Variants in DCAF6 observed in about 807,000 individuals in gnomAD.
DCAF6 encodes DDB1 and CUL4 associated factor 6.
A neutral mutation model predicts 125.1 loss-of-function variants in DCAF6; 54 were observed. That is an observed-to-expected ratio of 0.43 (90% CI 0.35 to 0.54). DCAF6 has a LOEUF of 0.54. Ranked by LOEUF, DCAF6 falls within the 20% of genes least tolerant of loss-of-function variation. DCAF6 has a pLI of 0.01. For missense variants in DCAF6, 934 were observed against 1,161.7 expected (o/e 0.80, Z 2.85); for synonymous variants, 371 against 390.4 (o/e 0.95, Z 0.58).
At chr1:168,023,707 A>C (rs1307950403) in intron 12 of DCAF6, 1 of 152,370 alleles carries the variant, frequency 6.6e-6, no homozygotes, top group Non-Finnish European at 1.5e-5. Context: ...GAGAAGGATT[A>C]GTAGAGGAAG....
In DCAF6 at chr1:167,974,877, A is replaced by C. The variant is rs371881262; in HGVS notation, c.300A>C (p.Ala100=). Residue 100 remains alanine, a synonymous_variant, in exon 4 of 22, where the codon GCA becomes GCC. Coordinates refer to ENST00000367840, the MANE Select transcript of DCAF6 (RefSeq NM_001198956.2). ...RSGHRANIFS[A]KFLPCTNDKQ... is the part of the protein sequence containing the mutation. ...GGCACCGAGCAAACATATTTAGTGCAAAGTTCTTACCTTGTACAAATGATA... is the reference window on the plus strand; with the variant it reads ...GGCACCGAGCAAACATATTTAGTGCCAAGTTCTTACCTTGTACAAATGATA... 8.2e-6 allele frequency: 13 copies of C among 1,589,616 alleles called. No individual in the cohort carries two copies. Among genetic ancestry groups the C allele is most frequent in the Non-Finnish European group, 1.1e-5 (13 of 1,168,546 alleles).
intron 7 of DCAF6, among the ~76,000 whole-genome samples, chr1:167,994,863 C>T (rs569999001): frequency 3.3e-5 from 5 of 151,966 alleles, no homozygotes; most frequent in Middle Eastern, 3.4e-3. Context: ...CCTATTAATA[C>T]GTTTTAAAGG....
At chr1:167,924,650 C>A in the DCAF6 span, 1 of 717,270 alleles carries the variant, frequency 1.4e-6, no homozygotes, top group Non-Finnish European at 2.2e-6. Context: ...CTATTTTTAA[C>A]CACTTTTACT....
the DCAF6 span, among the ~76,000 whole-genome samples, chr1:167,907,119 G>A: frequency 2.0e-5 from 3 of 152,160 alleles, no homozygotes; most frequent in Non-Finnish European, 4.4e-5. Context: ...TATATCTACA[G>A]ATACTGAAAG....
chr1:168,023,807 C>G (rs1485092372), intron 12 of DCAF6: 1 of 152,192 alleles, frequency 6.6e-6, no homozygotes, highest in Non-Finnish European at 1.5e-5. Flanking sequence ...AAATGTTTTA[C>G]TATCTCACCT....
At position 168,044,929 on chromosome 1, in the gene DCAF6, T is replaced by C. The variant is rs770172280; in HGVS notation, c.1960T>C (p.Leu654=). The part of the protein sequence containing the change: ...TQSDKFTAKP[L]DSNSGERNDL... ...ATCAGATAAGTTCACAGCCAAGCCA[T>C]TGGATTCCAACTCAGGAGAAAGAAA... The change falls in exon 16 of 22, where the codon TTG becomes CTG. Residue 654 remains leucine (L), a synonymous_variant. Transcript: ENST00000367840. The C allele has an allele frequency of 5.0e-6, 8 of 1,614,004 alleles. No homozygotes were observed. Among genetic ancestry groups the C allele is most frequent in the South Asian group, 4.4e-5 (4 of 91,074 alleles).
chr1:167,940,852 T>A (rs186206891), intron 1 of DCAF6, among the ~76,000 whole-genome samples: 1 of 152,326 alleles, frequency 6.6e-6, no homozygotes. Context: ...TTTATTATAA[T>A]GTATAAAATG....
chr1:167,980,920 T>C (rs964859222), intron 4 of DCAF6, among the ~76,000 whole-genome samples: 16 of 148,014 alleles, frequency 1.1e-4, no homozygotes, highest in Non-Finnish European at 2.2e-4. Context: ...AATTTTCTTT[T>C]TTTTTTTTTT....
At chr1:168,032,326 C>G (rs1006312721) in intron 12 of DCAF6, among the ~76,000 whole-genome samples, 4 of 152,200 alleles carry the variant, frequency 2.6e-5, no homozygotes, top group Non-Finnish European at 4.4e-5. Context: ...TCTCTGTTAG[C>G]AGTCTACTCC....
At chr1:167,954,268 C>T (rs542908525) in intron 2 of DCAF6, among the ~76,000 whole-genome samples, 2 of 152,126 alleles carry the variant, frequency 1.3e-5, no homozygotes, top group South Asian at 4.2e-4. Flanking sequence ...GCTGGGATTA[C>T]AGGTGTGAGC....
At chr1:167,993,663 C>T (rs1292072269) in intron 7 of DCAF6, among the ~76,000 whole-genome samples, 2 of 152,056 alleles carry the variant, frequency 1.3e-5, no homozygotes, top group South Asian at 2.1e-4. Flanking sequence ...GCAGCAGAAT[C>T]GCTTGAACCC....
At chr1:168,033,434 G>A (rs545971657) in intron 12 of DCAF6, among the ~76,000 whole-genome samples, 4 of 150,816 alleles carry the variant, frequency 2.7e-5, no homozygotes, top group Non-Finnish European at 5.9e-5. Flanking sequence ...TCCTGCCTCA[G>A]CCTCCCGAGT....
At chr1:167,994,392 T>C (rs962053272) in intron 7 of DCAF6, among the ~76,000 whole-genome samples, 8 of 152,166 alleles carry the variant, frequency 5.3e-5, no homozygotes, top group Middle Eastern at 3.2e-3. Context: ...TGTATGTCCA[T>C]GGATCAATAG....
intron 20 of DCAF6, among the ~76,000 whole-genome samples, chr1:168,066,825 A>G (rs1035810187): frequency 2.0e-5 from 3 of 152,138 alleles, no homozygotes; most frequent in Admixed American, 1.3e-4. Context: ...AAGCCTAGCA[A>G]TTTTTCCATT....
At chr1:168,054,126 A>C (rs887325742) in intron 17 of DCAF6, among the ~76,000 whole-genome samples, 11 of 152,228 alleles carry the variant, frequency 7.2e-5, no homozygotes, top group African/African-American at 2.7e-4. Flanking sequence ...TTTATTGATA[A>C]AGCTAGATAA....
intron 2 of DCAF6, among the ~76,000 whole-genome samples, chr1:167,961,368 G>C (rs1047535239): frequency 2.0e-5 from 3 of 151,888 alleles, no homozygotes; most frequent in Non-Finnish European, 4.4e-5. Context: ...TCAGCCTCCC[G>C]AGTAGCTGGG....
chr1:168,042,834 A>C, intron 13 of DCAF6, 191 bp from the exon 14 acceptor site: 1 of 455,622 alleles, frequency 2.2e-6, no homozygotes, highest in Non-Finnish European at 3.9e-6. Context: ...ATTTTTTTTC[A>C]AGAGTAAAGT....
At chr1:167,878,498 C>G in the DCAF6 span, 1 of 1,614,168 alleles carries the variant, frequency 6.2e-7, no homozygotes, top group Non-Finnish European at 8.5e-7. Context: ...TCTGCAACAC[C>G]TTTCATAACT....
intron 13 of DCAF6, among the ~76,000 whole-genome samples, chr1:168,039,745 GTAATA>G (rs201412865): frequency 3.2e-4 from 47 of 147,904 alleles, no homozygotes; most frequent in Admixed American, 6.8e-4. Flanking sequence ...TATAATATAT[GTAATA>G]TAATATAGTT....
Sources: allele counts gnomAD v4.1 joint callset (sites outside exome capture counted in the v4.1 genomes callset), GRCh38; gene constraint gnomAD v4.1.1; transcripts MANE v1.5; gene names NCBI Gene and HGNC (gene_info 2026-07-23, HGNC 2026-07-21).